Variants in GALNT9 observed in about 807,000 individuals in gnomAD.
The protein encoded by GALNT9 is polypeptide N-acetylgalactosaminyltransferase 9.
In GALNT9, 47 loss-of-function variants were observed where a neutral mutation model predicts 63.1. The ratio of observed to expected loss-of-function variants is 0.75; its 90% CI spans 0.59 to 0.95. The LOEUF (loss-of-function observed/expected upper bound fraction) is 0.95, where lower values mean the gene tolerates loss of function less well. Ranked by LOEUF, GALNT9 falls within the 40% of genes least tolerant of loss-of-function variation. The pLI is 0.00. For synonymous variants in GALNT9, 396 were observed against 365.7 expected, an observed-to-expected ratio of 1.08 and a Z score of -0.94; for missense variants, 829 against 874.8, an observed-to-expected ratio of 0.95 and a Z score of 0.66.
chr12:132,313,825 G>T (rs28662425), intron 1 of GALNT9, among the ~76,000 whole-genome samples: 5 of 55,912 alleles, frequency 8.9e-5, no homozygotes, highest in Admixed American at 2.2e-4. Context: ...CACCCACCCA[G>T]CCACCCACCC....
At chr12:132,237,583 A>C (rs1593075327) in intron 6 of GALNT9, among the ~76,000 whole-genome samples, 1 of 151,468 alleles carries the variant, frequency 6.6e-6, no homozygotes, top group Non-Finnish European at 1.5e-5. Context: ...ACCTGCTAAC[A>C]CCTGCCAGTA....
At position 132,296,192 on chromosome 12, in the gene GALNT9, G is replaced by C. The variant is rs544627384; in HGVS notation, c.239-9762C>G. ...AGCCTCCGGAATAGGGACGGCCTCC[G>C]AACAGGGAGAGTGTCCGTTTCTGTT... On this transcript the variant is annotated intron_variant, in intron 1 of 10. Transcript: ENST00000328957. This position sits in a 1 kb window ranked among gnomAD's most constrained non-coding sequence, Gnocchi z 4.2. Among the ~76,000 whole-genome samples, 7 of 152,294 alleles carry C rather than the reference G, an allele frequency of 4.6e-5. No individual in the cohort carries two copies. Among genetic ancestry groups the C allele is most frequent in the African/African-American group, 1.7e-4 (7 of 41,576 alleles).
At chr12:132,209,130 A>C (rs1427524911) in intron 6 of GALNT9, among the ~76,000 whole-genome samples, 1 of 152,200 alleles carries the variant, frequency 6.6e-6, no homozygotes, top group Admixed American at 6.5e-5. Context: ...GATGAGGCTG[A>C]GACCCACTGG....
At chr12:132,266,702 C>G (rs888432528) in intron 2 of GALNT9, among the ~76,000 whole-genome samples, 2 of 152,224 alleles carry the variant, frequency 1.3e-5, no homozygotes, top group African/African-American at 4.8e-5. Flanking sequence ...TGGAAGCCAC[C>G]TGCTTGTGGC....
At chr12:132,197,750 G>GGCC in intron 10 of GALNT9, 42 bp downstream of exon 10, 1 of 1,266,538 alleles carries the variant, frequency 7.9e-7, no homozygotes. Flanking sequence ...CAGCAGCCCT[G>GGCC]CCCCGCCCCA....
intron 7 of GALNT9, among the ~76,000 whole-genome samples, chr12:132,202,706 CAG>C (rs1555233678): frequency 1.4e-4 from 22 of 152,012 alleles, no homozygotes; most frequent in Admixed American, 6.5e-4. Flanking sequence ...TCCCAGAACT[CAG>C]GGACCCAGTG....
chr12:132,201,270 C>G lies in GALNT9; in HGVS notation c.1264-9G>C. ...AAGTCCACCCCTGGGTTCTGCAAGGCCAGAAGTAGGTGAGAGGGTACATGG... is the reference window on the plus strand; with the variant it reads ...AAGTCCACCCCTGGGTTCTGCAAGGGCAGAAGTAGGTGAGAGGGTACATGG... On this transcript the variant is annotated splice_polypyrimidine_tract_variant and intron_variant, in intron 7 of 10. Transcript: ENST00000328957. 1 of 1,607,800 alleles carries G rather than the reference C, an allele frequency of 6.2e-7. No individual in the cohort carries two copies. Among genetic ancestry groups the G allele is most frequent in the Non-Finnish European group, 8.5e-7 (1 of 1,174,730 alleles).
intron 5 of GALNT9, 103 bp downstream of exon 5, chr12:132,257,586 T>A: frequency 2.7e-6 from 2 of 727,756 alleles, no homozygotes; most frequent in Non-Finnish European, 4.1e-6. Context: ...TCCCCAGCCC[T>A]CGTCCCCGGC....
intron 5 of GALNT9, among the ~76,000 whole-genome samples, chr12:132,250,241 G>A (rs1209418547): frequency 1.3e-5 from 2 of 152,264 alleles, no homozygotes. Flanking sequence ...GAAGAGGCAA[G>A]TCCACGGGGG....
At position 132,310,270 on chromosome 12, in the gene GALNT9, G is replaced by T. The variant is rs1299271324; in HGVS notation, c.238+18696C>A. On this transcript the variant is annotated intron_variant, in intron 1 of 10. Transcript: ENST00000328957. This position sits in a 1 kb window ranked among gnomAD's most constrained non-coding sequence, Gnocchi z 4.8. Reference sequence around the variant, plus strand: ...GTCTCACCGGCCACACCGCGGTTCGGCATTTCAGTTGGGGTCGGTAACACG... The same window carrying T: ...GTCTCACCGGCCACACCGCGGTTCGTCATTTCAGTTGGGGTCGGTAACACG... 1.3e-5 allele frequency among the ~76,000 whole-genome samples: 2 copies of T among 152,302 alleles called. No individual in the cohort carries two copies. The highest frequency in any genetic ancestry group is 6.5e-5 in the Admixed American group (1 of 15,298).
rs1430168779 is a variant in GALNT9 at position 132,201,140 on chromosome 12, G to A, written c.1385C>T (p.Thr462Ile). 4 of 1,613,420 alleles carry A rather than the reference G, an allele frequency of 2.5e-6. No homozygotes were observed. Among genetic ancestry groups the A allele is most frequent in the South Asian group, 1.1e-5 (1 of 90,882 alleles). Residue 462 changes from threonine (T) to isoleucine (I), a missense_variant, in exon 8 of 11, where the codon ACC becomes ATC. Transcript: ENST00000328957. Reference sequence around the variant, plus strand: ...AGGTGCTACCTCTCCGTACGTGAGGGTGTTGTTGTAGACCCTCATCTCCGG... The same window carrying A: ...AGGTGCTACCTCTCCGTACGTGAGGATGTTGTTGTAGACCCTCATCTCCGG... ...VYPEMRVYNNTLTYGEVRNSK... is the reference protein window; with the variant it reads ...VYPEMRVYNNILTYGEVRNSK...
intron 5 of GALNT9, among the ~76,000 whole-genome samples, chr12:132,255,907 G>A (rs1277418010): frequency 1.3e-5 from 2 of 152,074 alleles, no homozygotes; most frequent in African/African-American, 4.8e-5. Context: ...CTTCTAACAT[G>A]GCCCCATCTC....
chr12:132,309,953 G>A (rs782096949), intron 1 of GALNT9, among the ~76,000 whole-genome samples: 11 of 152,248 alleles, frequency 7.2e-5, no homozygotes, highest in Non-Finnish European at 1.0e-4. Flanking sequence ...CGGCCTCCCC[G>A]GGTGACCTCG....
intron 1 of GALNT9, among the ~76,000 whole-genome samples, chr12:132,287,061 C>CCG: frequency 1.4e-4 from 1 of 7,304 alleles, no homozygotes; most frequent in Admixed American, 6.7e-4. Flanking sequence ...GAGTGAGCGC[C>CCG]CCCCCCCCCC....
intron 6 of GALNT9, among the ~76,000 whole-genome samples, chr12:132,204,072 G>C: frequency 7.6e-6 from 1 of 132,412 alleles, no homozygotes; most frequent in African/African-American, 2.9e-5. Context: ...CCCAGCACCC[G>C]AACACACCAA....
chr12:132,248,140 T>G, intron 5 of GALNT9, 113 bp from the exon 6 acceptor site: 1 of 1,419,968 alleles, frequency 7.0e-7, no homozygotes, highest in Non-Finnish European at 9.3e-7. Flanking sequence ...CTCCTGTGCC[T>G]CCTCCCTGTG....
At chr12:132,240,266 G>A (rs1039308179) in intron 6 of GALNT9, among the ~76,000 whole-genome samples, 4 of 152,138 alleles carry the variant, frequency 2.6e-5, no homozygotes, top group South Asian at 4.1e-4. Context: ...GTCAGGCGCC[G>A]CCATCGGGCT....
In GALNT9 at chr12:132,222,924, C is replaced by T. The variant is rs1447336060; in HGVS notation, c.1078-19234G>A. On this transcript the variant is annotated intron_variant, in intron 6 of 10. Transcript: ENST00000328957. ...CCCCACACCCCACATACATCCCACA[C>T]AACCCACACCCCACACACACCACAC... Among the ~76,000 whole-genome samples, 936 of 138,780 alleles carry T rather than the reference C, an allele frequency of 6.7e-3. 33 individuals carry two copies. Among genetic ancestry groups the T allele is most frequent in the African/African-American group, 0.025 (885 of 35,808 alleles). 91.0% of individuals were successfully genotyped at this position (138,780 alleles called of 152,430 possible).
At chr12:132,291,051 C>G (rs1555242684) in intron 1 of GALNT9, among the ~76,000 whole-genome samples, 1 of 83,744 alleles carries the variant, frequency 1.2e-5, no homozygotes, top group East Asian at 5.1e-4. Context: ...CCACAGCGCC[C>G]ACATCCTCAG....
Sources: gnomAD v4.1 joint callset for allele counts (sites outside exome capture counted in the v4.1 genomes callset) on GRCh38, gnomAD v4.1.1 for gene constraint, Gnocchi (gnomAD v3.1) non-coding constraint, MANE v1.5 for transcripts, NCBI Gene and HGNC (gene_info 2026-07-23, HGNC 2026-07-21) for gene names.